The following ARPC4 variants were observed in gnomAD, a reference collection of about 807,000 sequenced individuals.
ARPC4 encodes actin related protein 2/3 complex subunit 4.
ARPC4 carries 3 observed loss-of-function variants against 22.8 expected under a neutral mutation model. The ratio of observed to expected loss-of-function variants is 0.13; its 90% confidence interval spans 0.06 to 0.34. The LOEUF is 0.34. ARPC4 is among the 10% of genes least tolerant of loss of function. ARPC4 has a pLI of 1.00. For missense variants in ARPC4, 98 were observed against 211.0 expected, an observed-to-expected ratio of 0.46 and a Z score of 3.32; for synonymous variants, 80 against 72.5, an observed-to-expected ratio of 1.10 and a Z score of -0.52.
In ARPC4 at chr3:9,797,781, G is replaced by A; in HGVS notation, c.122+4G>A. The A allele has an allele frequency of 6.2e-7, 1 of 1,613,470 alleles. No homozygotes were observed. Among genetic ancestry groups the A allele is most frequent in the South Asian group, 1.1e-5 (1 of 91,052 alleles). ...ACAAGCCGGAAGTGGAAGTCAGGTA[G>A]GGAAGGACAAGTCAAGGTGGGGATG... On this transcript the variant is annotated splice_donor_region_variant and intron_variant, in intron 2 of 5. Transcript: ENST00000397261.
At chr3:9,804,176 G>C (rs1428049787) in intron 5 of ARPC4, 163 bp downstream of exon 5, 6 of 683,200 alleles carry the variant, frequency 8.8e-6, no homozygotes, top group Non-Finnish European at 1.2e-5. Context: ...TTTGGAGCTA[G>C]AGGACCCCAA....
At chr3:9,801,614 C>G (rs999318309) in intron 3 of ARPC4, 47 bp from the exon 4 acceptor site, 1 of 1,542,672 alleles carries the variant, frequency 6.5e-7, no homozygotes, top group Non-Finnish European at 8.8e-7. Flanking sequence ...GTGTTTTTGG[C>G]CTTGGGTGTC....
chr3:9,795,198 C>A (rs529110691), intron 1 of ARPC4, among the ~76,000 whole-genome samples: 35 of 152,064 alleles, frequency 2.3e-4, no homozygotes, highest in Non-Finnish European at 4.0e-4. Flanking sequence ...CGGGGTTTTG[C>A]CATGTTGGCC....
intron 3 of ARPC4, among the ~76,000 whole-genome samples, chr3:9,800,892 C>T (rs1219225058): frequency 1.1e-4 from 17 of 152,234 alleles, no homozygotes; most frequent in Admixed American, 1.0e-3. Context: ...TAGCAACCAG[C>T]AGCAATAATC....
At chr3:9,794,628 C>G (rs11131186) in intron 1 of ARPC4, among the ~76,000 whole-genome samples, 91,959 of 151,962 alleles carry the variant, frequency 0.61, 29,421 homozygotes, top group Middle Eastern at 0.82. Context: ...TGTGATCACT[C>G]CTGTGAATAG....
At chr3:9,793,931 C>T (rs2078818247) in intron 1 of ARPC4, among the ~76,000 whole-genome samples, 1 of 152,132 alleles carries the variant, frequency 6.6e-6, no homozygotes, top group Non-Finnish European at 1.5e-5. Flanking sequence ...CAAGGTTTGC[C>T]TGGATATCTT....
chr3:9,800,358 G>C lies in ARPC4; in HGVS notation c.234+62G>C. 7.2e-6 allele frequency: 11 copies of C among 1,537,276 alleles called. No homozygotes were observed. The South Asian group carries it at 1.1e-4, about 16-fold the overall frequency. ...CTTTCAGTCCTTTCAGCCTCTTTCA[G>C]TCCGGGGTCCCCATCTGAGAGATCA... On this transcript the variant is annotated intron_variant, in intron 3 of 5. Coordinates refer to ENST00000397261, the MANE Select transcript of ARPC4 (RefSeq NM_005718.5).
chr3:9,793,294 A>G, intron 1 of ARPC4, 170 bp downstream of exon 1: 1 of 1,303,524 alleles, frequency 7.7e-7, no homozygotes, highest in Non-Finnish European at 1.0e-6. Context: ...CGAGGTGAGG[A>G]AGGGGCGAGT....
chr3:9,793,270 A>C, intron 1 of ARPC4, 146 bp downstream of exon 1: 56 of 1,354,856 alleles, frequency 4.1e-5, no homozygotes, highest in Non-Finnish European at 5.0e-5. Context: ...GGAAAAAGAG[A>C]CGGGGCGGGG....
rs1378242522 is a variant in ARPC4 at position 9,806,670 on chromosome 3, G to A, written c.*455G>A. On this transcript the variant is annotated 3_prime_UTR_variant, in exon 6 of 6. Coordinates refer to ENST00000397261, the MANE Select transcript of ARPC4 (RefSeq NM_005718.5). Reference sequence around the variant, plus strand: ...ATGCCACCCCAGGTGGGGAGGGAGGGAGGTTTCAGACTCCAGTTTCTCCCT... The same window carrying A: ...ATGCCACCCCAGGTGGGGAGGGAGGAAGGTTTCAGACTCCAGTTTCTCCCT... 1.7e-5 allele frequency: 3 copies of A among 179,152 alleles called. No individual in the cohort carries two copies. Among genetic ancestry groups the A allele is most frequent in the Non-Finnish European group, 3.5e-5 (3 of 84,934 alleles). 11.1% of individuals were successfully genotyped at this position (179,152 alleles called of 1,614,324 possible). A position where few individuals can be genotyped will look rare whatever the true frequency, so the allele number is the denominator to read the frequency against.
chr3:9,798,027 TTGA>T (rs751112497), intron 2 of ARPC4: 4 of 430,854 alleles, frequency 9.3e-6, no homozygotes, highest in African/African-American at 2.0e-5. Context: ...AGCAGGGCTG[TTGA>T]TGAAGTCTCT....
intron 2 of ARPC4, among the ~76,000 whole-genome samples, chr3:9,798,681 C>T (rs2078946529): frequency 6.6e-6 from 1 of 152,074 alleles, no homozygotes; most frequent in Admixed American, 6.6e-5. Flanking sequence ...CGAGAGCATC[C>T]TGGCCAACAT....
At chr3:9,799,387 C>T (rs912530421) in intron 2 of ARPC4, among the ~76,000 whole-genome samples, 25 of 151,830 alleles carry the variant, frequency 1.6e-4, no homozygotes, top group Admixed American at 4.6e-4. Flanking sequence ...ATTCCAAATC[C>T]AAAATGCTCC....
intron 1 of ARPC4, among the ~76,000 whole-genome samples, chr3:9,796,169 G>A (rs1484767138): frequency 5.9e-5 from 9 of 152,070 alleles, no homozygotes; most frequent in African/African-American, 1.7e-4. Flanking sequence ...CGAGGTGGGC[G>A]GATTGCCTGA....
chr3:9,795,687 G>A (rs1273039493), intron 1 of ARPC4, among the ~76,000 whole-genome samples: 2 of 152,206 alleles, frequency 1.3e-5, no homozygotes, highest in African/African-American at 4.8e-5. Context: ...AAATGAGTGA[G>A]ACACTGTATA....
chr3:9,796,447 ATACTT>A (rs1191700534), intron 1 of ARPC4, among the ~76,000 whole-genome samples: 6 of 152,192 alleles, frequency 3.9e-5, no homozygotes, highest in Non-Finnish European at 5.9e-5. Flanking sequence ...ATTGTAATAA[ATACTT>A]TATAGGGGGA....
intron 3 of ARPC4, 72 bp downstream of exon 3, chr3:9,800,368 C>G (rs2078982824): frequency 2.1e-6 from 3 of 1,456,598 alleles, no homozygotes; most frequent in Admixed American, 1.9e-5. Context: ...GTCCGGGGTC[C>G]CCATCTGAGA....
chr3:9,801,461 GGTC>G (rs2079009078), intron 3 of ARPC4, among the ~76,000 whole-genome samples, 197 bp from the exon 4 acceptor site: 1 of 152,030 alleles, frequency 6.6e-6, no homozygotes, highest in African/African-American at 2.4e-5. Context: ...CTCTGGAATG[GGTC>G]GTCATTAAGA....
chr3:9,796,037 A>T (rs1409033237), intron 1 of ARPC4, among the ~76,000 whole-genome samples: 2 of 152,162 alleles, frequency 1.3e-5, no homozygotes, highest in Non-Finnish European at 2.9e-5. Context: ...TGGAGGTTGC[A>T]GTGAGCCAAG....
Sources: gnomAD v4.1 joint callset for allele counts (sites outside exome capture counted in the v4.1 genomes callset) on GRCh38, gnomAD v4.1.1 for gene constraint, MANE v1.5 for transcripts, NCBI Gene and HGNC (gene_info 2026-07-23, HGNC 2026-07-21) for gene names.